ARAP2: variants seen among roughly 807,000 people sequenced by gnomAD.
The protein encoded by ARAP2 is arf-GAP with Rho-GAP domain, ANK repeat and PH domain-containing protein 2.
In ARAP2, 148 loss-of-function variants were observed where a neutral mutation model predicts 194.5. The ratio of observed to expected loss-of-function variants is 0.76; its 90% CI spans 0.67 to 0.87. The LOEUF (loss-of-function observed/expected upper bound fraction) is 0.87, where lower values mean the gene tolerates loss of function less well. ARAP2 is among the 40% of genes least tolerant of loss of function. The pLI, the probability that ARAP2 is intolerant of heterozygous loss-of-function variation, is 0.00. For synonymous variants in ARAP2, 695 were observed against 683.5 expected, an observed-to-expected ratio of 1.02 and a Z score of -0.26; for missense variants, 2,128 against 1,989.7, an observed-to-expected ratio of 1.07 and a Z score of -1.32.
intron 24 of ARAP2, 134 bp downstream of exon 24, chr4:36,119,516 T>TA (rs1722177527): frequency 9.8e-6 from 5 of 509,070 alleles, no homozygotes; most frequent in African/African-American, 2.0e-5. Context: ...CACAACCAAT[T>TA]AGTTTTTTTT....
chr4:36,140,385 A>C (rs999433341), intron 19 of ARAP2, among the ~76,000 whole-genome samples: 3 of 151,754 alleles, frequency 2.0e-5, no homozygotes, highest in Non-Finnish European at 4.4e-5. Context: ...AAATCACTTA[A>C]TATTTGTTTT....
intron 27 of ARAP2, among the ~76,000 whole-genome samples, chr4:36,101,573 A>G (rs1716940933): frequency 6.6e-6 from 1 of 151,998 alleles, no homozygotes; most frequent in Non-Finnish European, 1.5e-5. Flanking sequence ...TACTGTTAAT[A>G]AATGCAGAGA....
chr4:36,185,782 C>G (rs1025817382), intron 8 of ARAP2, among the ~76,000 whole-genome samples: 3 of 151,210 alleles, frequency 2.0e-5, no homozygotes, highest in Non-Finnish European at 4.4e-5. Flanking sequence ...TCTAGACCAA[C>G]CTGACCAACA....
rs938896157 is a variant in ARAP2, at chr4:36,042,619, T to C, written n.607+3360A>G. On this transcript the variant is annotated intron_variant and non_coding_transcript_variant, in intron 5 of 12. Coordinates refer to the ARAP2 transcript ENST00000503225. Reference sequence around the variant, plus strand: ...TTTACTTCCTACACTGTTTCTATTTTTTAGATGTCTGGCAAGGTAACTTCA... The same window carrying C: ...TTTACTTCCTACACTGTTTCTATTTCTTAGATGTCTGGCAAGGTAACTTCA... Among the ~76,000 whole-genome samples, 6 of 152,324 alleles carry C rather than the reference T, an allele frequency of 3.9e-5. No individual in the cohort carries two copies. The South Asian group carries it at 1.2e-3, about 32-fold the overall frequency.
intron 1 of ARAP2, among the ~76,000 whole-genome samples, chr4:36,235,617 C>G (rs2109360963): frequency 6.6e-6 from 1 of 152,332 alleles, no homozygotes; most frequent in Admixed American, 6.5e-5. Context: ...GGTCAGGGAT[C>G]TTGTCTACTG....
At chr4:36,052,674 A>G (rs1722860342) in intron 2 of ARAP2, among the ~76,000 whole-genome samples, 1 of 152,212 alleles carries the variant, frequency 6.6e-6, no homozygotes, top group African/African-American at 2.4e-5. Flanking sequence ...TCTACTATTA[A>G]AATTTTACGG....
chr4:36,214,406 A>G lies in ARAP2; in HGVS notation c.964+16T>C. ...ATGAGCTCTAATTTAAGGAGACATT[A>G]AACACATAGACTCACTTTGCCATGC... On this transcript the variant is annotated intron_variant, in intron 3 of 32. Coordinates refer to ENST00000303965, the MANE Select transcript of ARAP2 (RefSeq NM_015230.4). 1 of 1,585,068 alleles carries G rather than the reference A, an allele frequency of 6.3e-7. No homozygotes were observed. Among genetic ancestry groups the G allele is most frequent in the Non-Finnish European group, 8.6e-7 (1 of 1,162,874 alleles).
intron 1 of ARAP2, among the ~76,000 whole-genome samples, chr4:36,060,006 C>G (rs777914781): frequency 1.2e-3 from 176 of 152,066 alleles, no homozygotes; most frequent in Non-Finnish European, 2.1e-3. Context: ...CAAACAGGAG[C>G]AGACAAATGA....
At position 36,030,686 on chromosome 4, in the gene ARAP2, A is replaced by G. The variant is rs1032334151; in HGVS notation, n.608-11400T>C. On this transcript the variant is annotated intron_variant and non_coding_transcript_variant, in intron 5 of 12. Coordinates refer to the ARAP2 transcript ENST00000503225. ...TATCTTTTCACTGTATTTTTAATTG[A>G]ATCTATTCTACTTTTATCAGCTTCT... 3.9e-5 allele frequency among the ~76,000 whole-genome samples: 6 copies of G among 152,020 alleles called. No homozygotes were observed. The East Asian group carries it at 1.2e-3, about 29-fold the overall frequency.
chr4:36,212,287 C>T, intron 5 of ARAP2, 109 bp downstream of exon 5: 1 of 881,112 alleles, frequency 1.1e-6, no homozygotes, highest in Non-Finnish European at 1.6e-6. Context: ...TTGAACTTAT[C>T]ACCATAAACT....
At chr4:36,132,778 TTATG>T (rs1173049743) in intron 20 of ARAP2, among the ~76,000 whole-genome samples, 1 of 151,728 alleles carries the variant, frequency 6.6e-6, no homozygotes, top group Non-Finnish European at 1.5e-5. Context: ...CATGCACACT[TTATG>T]TATGCCAAAG....
intron 24 of ARAP2, 74 bp downstream of exon 24, chr4:36,119,576 C>T: frequency 2.8e-6 from 3 of 1,069,686 alleles, no homozygotes; most frequent in Non-Finnish European, 4.1e-6. Flanking sequence ...AAAATACACA[C>T]AGCAAATGTC....
chr4:36,200,192 A>T (rs1744071543), intron 6 of ARAP2, among the ~76,000 whole-genome samples: 1 of 152,134 alleles, frequency 6.6e-6, no homozygotes, highest in Non-Finnish European at 1.5e-5. Context: ...TTAGTTAATT[A>T]AAGATAAAAC....
chr4:36,145,635 T>A (rs1729454804), intron 19 of ARAP2, among the ~76,000 whole-genome samples: 1 of 151,904 alleles, frequency 6.6e-6, no homozygotes, highest in African/African-American at 2.4e-5. Flanking sequence ...ACACAATATA[T>A]CCATGCAACA....
intron 16 of ARAP2, 28 bp from the exon 17 acceptor site, chr4:36,148,535 T>C: frequency 6.6e-7 from 1 of 1,504,320 alleles, no homozygotes; most frequent in South Asian, 1.1e-5. Flanking sequence ...AAAAAGATAC[T>C]ACCAGTTATA....
Position 36,159,402 on chromosome 4 carries a change from G to C in ARAP2, c.2546C>G (p.Thr849Ser). Reference protein sequence around the residue: ...MCATGDPVHSTPYLLAKKAGQ... With the variant: ...MCATGDPVHSSPYLLAKKAGQ... ...AGCTTTCTTGGCTAGCAGATAGGGGGTGCTATGCACGGGGTCTCCGGTGGC... is the reference window on the plus strand; with the variant it reads ...AGCTTTCTTGGCTAGCAGATAGGGGCTGCTATGCACGGGGTCTCCGGTGGC... Residue 849 changes from threonine (T) to serine (S), a missense_variant, in exon 14 of 33, where the codon ACC becomes AGC. By Grantham distance (58) the Thr-to-Ser change is moderately conservative. Coordinates refer to ENST00000303965, the MANE Select transcript of ARAP2 (RefSeq NM_015230.4). 1 of 1,611,568 alleles carries C rather than the reference G, an allele frequency of 6.2e-7. No homozygotes were observed. Among genetic ancestry groups the C allele is most frequent in the South Asian group, 1.1e-5 (1 of 90,802 alleles).
At chr4:36,213,351 A>C in intron 3 of ARAP2, 32 bp from the exon 4 acceptor site, 1 of 1,444,662 alleles carries the variant, frequency 6.9e-7, no homozygotes, top group Non-Finnish European at 9.7e-7. Flanking sequence ...GAGAACAGAA[A>C]GATGTGAATA....
chr4:36,104,683 AC>A (rs1176218805), intron 27 of ARAP2, among the ~76,000 whole-genome samples: 1 of 152,048 alleles, frequency 6.6e-6, no homozygotes, highest in African/African-American at 2.4e-5. Context: ...CAAATGGAGA[AC>A]CAACCATAAT....
At chr4:36,033,460 T>C (rs1425623109) in intron 5 of ARAP2, among the ~76,000 whole-genome samples, 1 of 151,196 alleles carries the variant, frequency 6.6e-6, no homozygotes, top group Non-Finnish European at 1.5e-5. Flanking sequence ...CTGAAGTGTC[T>C]GTTCATGTCC....
Sources: gnomAD v4.1 joint callset for allele counts (sites outside exome capture counted in the v4.1 genomes callset) on GRCh38, gnomAD v4.1.1 for gene constraint, MANE v1.5 for transcripts, NCBI Gene and HGNC (gene_info 2026-07-23, HGNC 2026-07-21) for gene names.